The following CFAP53 variants were observed in gnomAD, a reference collection of about 807,000 sequenced individuals.
CFAP53 encodes the protein cilia and flagella associated protein 53, also known as cilia- and flagella-associated protein 53.
CFAP53 carries 62 observed loss-of-function variants against 59.7 expected under a neutral mutation model. The ratio of observed to expected loss-of-function variants is 1.04; its 90% CI spans 0.85 to 1.28. The LOEUF is 1.28. Among genes scored for constraint, CFAP53 ranks in the 50% most tolerant of loss-of-function variants. The pLI, the probability that CFAP53 is intolerant of heterozygous loss-of-function variation, is 0.00. For missense variants in CFAP53, 629 were observed against 615.6 expected, an observed-to-expected ratio of 1.02 and a Z score of -0.23; for synonymous variants, 218 against 205.7, an observed-to-expected ratio of 1.06 and a Z score of -0.51.
rs944020240 is a variant in CFAP53 at position 50,259,658 on chromosome 18, C to A, written c.473+1406G>T. On this transcript the variant is annotated intron_variant, in intron 3 of 7. Coordinates refer to ENST00000398545, the MANE Select transcript of CFAP53 (RefSeq NM_145020.5). ...ATGTTGGCCAGACCAGTCTTGAACTCCTGACCTCAGGTAATACACCCACCT... is the reference window on the plus strand; with the variant it reads ...ATGTTGGCCAGACCAGTCTTGAACTACTGACCTCAGGTAATACACCCACCT... Among the ~76,000 whole-genome samples the A allele has an allele frequency of 2.0e-5, 3 of 152,068 alleles. No homozygotes were observed. The South Asian group carries it at 6.2e-4, about 32-fold the overall frequency.
chr18:50,256,754 T>G (rs2033850024), intron 3 of CFAP53, among the ~76,000 whole-genome samples: 1 of 151,928 alleles, frequency 6.6e-6, no homozygotes, highest in African/African-American at 2.4e-5. Flanking sequence ...CATGTCTTGA[T>G]CCCTCCACAG....
intron 3 of CFAP53, 76 bp downstream of exon 3, chr18:50,260,983 ATTTAC>A: frequency 7.0e-7 from 1 of 1,418,774 alleles, no homozygotes; most frequent in Admixed American, 2.2e-5. Context: ...CTTAAGACTA[ATTTAC>A]TTTAAATTAG....
chr18:50,234,891 G>A (rs190223636), intron 7 of CFAP53, among the ~76,000 whole-genome samples: 2 of 152,328 alleles, frequency 1.3e-5, no homozygotes, highest in East Asian at 3.9e-4. Context: ...CTTTTGGTTT[G>A]CAGGTATACC....
rs974681752 is a variant in CFAP53, at chr18:50,227,645, A to G, written c.1317-36T>C. Reference sequence around the variant, plus strand: ...AGAAATGTCAAAGCATAAAATTATAAAAGTAAGCATTTAGATTTATTCAGA... The same window carrying G: ...AGAAATGTCAAAGCATAAAATTATAGAAGTAAGCATTTAGATTTATTCAGA... On this transcript the variant is annotated intron_variant, in intron 7 of 7. Coordinates refer to ENST00000398545, the MANE Select transcript of CFAP53 (RefSeq NM_145020.5). 8.3e-6 allele frequency: 12 copies of G among 1,444,966 alleles called. No individual in the cohort carries two copies. The African/African-American group carries it at 1.1e-4, about 14-fold the overall frequency. 89.5% of individuals were successfully genotyped at this position (1,444,966 alleles called of 1,614,324 possible).
At position 50,253,683 on chromosome 18, in the gene CFAP53, G is replaced by A. The variant is rs545582437; in HGVS notation, c.474-1899C>T. On this transcript the variant is annotated intron_variant, in intron 3 of 7. Transcript: ENST00000398545. The stretch of plus-strand genomic sequence containing the variant: ...TTTTTATTGTCCTTGGTTTACAGAT[G>A]AGGAAATGGAAGCACACAGCAGTTA... Among the ~76,000 whole-genome samples the A allele has an allele frequency of 3.3e-5, 5 of 152,230 alleles. No homozygotes were observed. The East Asian group carries it at 9.6e-4, about 29-fold the overall frequency.
chr18:50,238,883 C>A (rs1337349002), intron 6 of CFAP53, among the ~76,000 whole-genome samples, 178 bp from the exon 7 acceptor site: 1 of 151,944 alleles, frequency 6.6e-6, no homozygotes, highest in African/African-American at 2.4e-5. Flanking sequence ...GGTTTAGGCT[C>A]ATATATGCTA....
At chr18:50,260,952 TACA>T in intron 3 of CFAP53, 109 bp downstream of exon 3, 1 of 1,057,472 alleles carries the variant, frequency 9.5e-7, no homozygotes, top group South Asian at 1.5e-5. Context: ...GACTTAAAGT[TACA>T]ACTACTCTGT....
intron 3 of CFAP53, among the ~76,000 whole-genome samples, chr18:50,252,848 TA>T (rs1203563485): frequency 2.6e-5 from 4 of 152,208 alleles, no homozygotes; most frequent in Non-Finnish European, 5.9e-5. Context: ...ACCTTGTCTC[TA>T]CAAAAGTTTT....
intron 5 of CFAP53, among the ~76,000 whole-genome samples, chr18:50,246,688 C>T (rs2033748214): frequency 6.6e-6 from 1 of 152,102 alleles, no homozygotes; most frequent in Non-Finnish European, 1.5e-5. Context: ...AAAAGACAAC[C>T]TATAGAATGA....
intron 3 of CFAP53, among the ~76,000 whole-genome samples, chr18:50,254,234 A>G (rs922287062): frequency 2.8e-5 from 4 of 142,944 alleles, no homozygotes; most frequent in Non-Finnish European, 4.6e-5. Context: ...CTTAACAGCT[A>G]AAAAAAAAAA....
chr18:50,240,050 T>G (rs1249283955), intron 6 of CFAP53, among the ~76,000 whole-genome samples: 2 of 152,180 alleles, frequency 1.3e-5, no homozygotes, highest in African/African-American at 4.8e-5. Flanking sequence ...TAAAGTGACC[T>G]TTTTTGATCA....
chr18:50,228,339 G>C (rs2033547000), intron 7 of CFAP53, among the ~76,000 whole-genome samples: 1 of 152,106 alleles, frequency 6.6e-6, no homozygotes. Context: ...CCCCGCACAA[G>C]AGGCCTGCAG....
intron 7 of CFAP53, among the ~76,000 whole-genome samples, chr18:50,229,136 T>C (rs1342442384): frequency 6.6e-6 from 1 of 152,056 alleles, no homozygotes; most frequent in Non-Finnish European, 1.5e-5. Context: ...CAAATTTACA[T>C]CTTAACCATT....
chr18:50,251,069 T>G (rs1384989889), intron 4 of CFAP53, 93 bp from the exon 5 acceptor site: 8 of 1,026,878 alleles, frequency 7.8e-6, no homozygotes, highest in Non-Finnish European at 1.2e-5. Context: ...AAAGGATTTC[T>G]GGAAATACAC....
At chr18:50,227,633 C>T in intron 7 of CFAP53, 24 bp from the exon 8 acceptor site, 2 of 1,520,450 alleles carry the variant, frequency 1.3e-6, no homozygotes, top group Admixed American at 1.7e-5. Flanking sequence ...AATGTCAAAG[C>T]ATAAAATTAT....
At position 50,243,135 on chromosome 18, in the gene CFAP53, C is replaced by A. The variant is rs2033708653; in HGVS notation, c.997-19G>T. The A allele has an allele frequency of 6.3e-7, 1 of 1,584,556 alleles. No individual in the cohort carries two copies. The highest frequency in any genetic ancestry group is 1.7e-5 in the Admixed American group (1 of 59,314). ...TATCTTCCTATGTAACATAAAAATT[C>A]ATATTGTTAAAATTTTTTGGTGTGA... is the stretch of plus-strand genomic sequence containing the variant. On this transcript the variant is annotated intron_variant, in intron 5 of 7. Coordinates refer to ENST00000398545, the MANE Select transcript of CFAP53 (RefSeq NM_145020.5).
chr18:50,248,043 C>T (rs552620154), intron 5 of CFAP53, among the ~76,000 whole-genome samples: 1 of 151,454 alleles, frequency 6.6e-6, no homozygotes, highest in East Asian at 1.9e-4. Flanking sequence ...TGGACAAAAA[C>T]CAGGAGTTGG....
Position 50,239,446 on chromosome 18 carries a change from A to AT in CFAP53, c.1214-742_1214-741insA, listed in dbSNP as rs1364106806. Among the ~76,000 whole-genome samples, 4 of 152,264 alleles carry AT rather than the reference A, an allele frequency of 2.6e-5. 1 individual carries two copies. Among genetic ancestry groups the AT allele is most frequent in the Non-Finnish European group, 4.4e-5 (3 of 68,046 alleles). On this transcript the variant is annotated intron_variant, in intron 6 of 7. Coordinates refer to ENST00000398545, the MANE Select transcript of CFAP53 (RefSeq NM_145020.5). ...AAAAGACAAAGGAAACAGAGTTTAC[A>AT]AAATAATAAATACAACTGGCTAATA...
intron 7 of CFAP53, among the ~76,000 whole-genome samples, chr18:50,228,310 G>T (rs559292923): frequency 6.6e-6 from 1 of 151,946 alleles, no homozygotes; most frequent in South Asian, 2.1e-4. Context: ...CTGCTCTGCT[G>T]TAGATCAAAG....
Sources: gnomAD v4.1 joint callset for allele counts (sites outside exome capture counted in the v4.1 genomes callset) on GRCh38, gnomAD v4.1.1 for gene constraint, MANE v1.5 for transcripts, NCBI Gene and HGNC (gene_info 2026-07-23, HGNC 2026-07-21) for gene names.